PCDHA5: variants seen among roughly 807,000 people sequenced by gnomAD.
The protein encoded by PCDHA5 is protocadherin alpha-5.
PCDHA5 carries 43 observed loss-of-function variants against 61.6 expected under a neutral mutation model. The ratio of observed to expected loss-of-function variants is 0.70; its 90% CI spans 0.55 to 0.90. The LOEUF is 0.90. Among genes scored for constraint, PCDHA5 ranks in the 40% least tolerant of loss-of-function variants. The pLI, the probability that PCDHA5 is intolerant of heterozygous loss-of-function variation, is 0.00. For missense variants in PCDHA5, 1,298 were observed against 1,222.7 expected (o/e 1.06, Z -0.92); for synonymous variants, 627 against 543.9 (o/e 1.15, Z -2.13).
At chr5:140,869,770 A>G in intron 1 of PCDHA5, 1 of 1,613,216 alleles carries the variant, frequency 6.2e-7, no homozygotes, top group South Asian at 1.1e-5. Flanking sequence ...ACCAGAGCTT[A>G]CTGGCACCGT....
chr5:140,849,773 C>A (rs1554143291), intron 1 of PCDHA5: 12 of 1,598,418 alleles, frequency 7.5e-6, no homozygotes, highest in Non-Finnish European at 1.0e-5. Flanking sequence ...TGGTGGTTAC[C>A]GCGCGGGACG....
At chr5:140,947,907 C>T (rs2094191786) in intron 1 of PCDHA5, among the ~76,000 whole-genome samples, 1 of 151,546 alleles carries the variant, frequency 6.6e-6, no homozygotes, top group African/African-American at 2.4e-5. Context: ...TGAGAGCAGA[C>T]ATTCTTGCCT....
At chr5:140,875,103 A>ACTAATATCATG (rs2055275043) in intron 1 of PCDHA5, among the ~76,000 whole-genome samples, 2 of 152,340 alleles carry the variant, frequency 1.3e-5, no homozygotes, top group African/African-American at 4.8e-5. Context: ...ATGTTTTGTT[A>ACTAATATCATG]CTAATATCAT....
intron 1 of PCDHA5, among the ~76,000 whole-genome samples, chr5:140,905,354 A>T (rs926429746): frequency 3.3e-5 from 5 of 152,030 alleles, no homozygotes; most frequent in Non-Finnish European, 5.9e-5. Context: ...TAAGTATTTG[A>T]CTATATTTCT....
chr5:140,825,736 G>C (rs1270794593), intron 1 of PCDHA5: 2 of 152,316 alleles, frequency 1.3e-5, no homozygotes, highest in Non-Finnish European at 2.9e-5. Flanking sequence ...TTATTATATT[G>C]ATGAGGAGTA....
intron 1 of PCDHA5, chr5:140,882,402 T>A (rs782437506): frequency 3.7e-6 from 6 of 1,614,052 alleles, no homozygotes; most frequent in South Asian, 1.1e-5. Flanking sequence ...GGCACCTTCG[T>A]GGGCCGCATC....
intron 1 of PCDHA5, among the ~76,000 whole-genome samples, chr5:140,838,075 ATAGT>A (rs1236223360): frequency 0.032 from 4,047 of 127,880 alleles, 62 homozygotes; most frequent in African/African-American, 0.052. Context: ...TTATATATAT[ATAGT>A]GTGTGTGTGT....
At chr5:140,869,843 A>C in intron 1 of PCDHA5, 1 of 1,611,638 alleles carries the variant, frequency 6.2e-7, no homozygotes, top group East Asian at 2.2e-5. Context: ...AAATCAGAAT[A>C]TAAGGTGAGC....
At chr5:140,882,392 G>C (rs781850899) in intron 1 of PCDHA5, 4 of 1,614,178 alleles carry the variant, frequency 2.5e-6, no homozygotes, top group South Asian at 1.1e-5. Flanking sequence ...AGCAAAACAC[G>C]GCACCTTCGT....
chr5:140,866,929 A>C (rs1189639503), intron 1 of PCDHA5: 1 of 152,160 alleles, frequency 6.6e-6, no homozygotes, highest in African/African-American at 2.4e-5. Context: ...CAAAGGGCGC[A>C]TAATCTCTTC....
intron 1 of PCDHA5, chr5:140,883,536 T>C (rs1178559999): frequency 8.7e-6 from 14 of 1,614,202 alleles, no homozygotes; most frequent in Non-Finnish European, 1.2e-5. Flanking sequence ...GCCTATGAAC[T>C]GGTGGTGACC....
At chr5:140,971,689 T>C (rs149234216) in intron 1 of PCDHA5, among the ~76,000 whole-genome samples, 1 of 152,306 alleles carries the variant, frequency 6.6e-6, no homozygotes, top group East Asian at 1.9e-4. Context: ...GAATTTGTAC[T>C]CACTAACCAC....
Position 140,829,594 on chromosome 5 carries a change from G to C in PCDHA5, c.2352+5467G>C. The C allele has an allele frequency of 1.2e-6, 2 of 1,611,982 alleles. No individual in the cohort carries two copies. The highest frequency in any genetic ancestry group is 1.7e-6 in the Non-Finnish European group (2 of 1,179,774). On this transcript the variant is annotated intron_variant, in intron 1 of 3. Coordinates refer to ENST00000529859, the MANE Select transcript of PCDHA5 (RefSeq NM_018908.3). The stretch of plus-strand genomic sequence containing the variant: ...CGCTGGTGGAGCGGCGGGTGGGCGA[G>C]CGCGCGTTGTCGAGCTACATTTCGG...
intron 1 of PCDHA5, chr5:140,843,157 G>T: frequency 6.3e-7 from 1 of 1,596,132 alleles, no homozygotes; most frequent in Non-Finnish European, 8.6e-7. Context: ...ATGAGCTGCA[G>T]CCAGCTGCAA....
chr5:140,927,946 G>A (rs1341193072), intron 1 of PCDHA5: 1 of 1,614,096 alleles, frequency 6.2e-7, no homozygotes, highest in East Asian at 2.2e-5. Context: ...AGTACCTGAG[G>A]ACGCTGCCCC....
rs141975967 is a variant in PCDHA5, at chr5:140,824,104, C to G, written c.2329C>G (p.Gln777Glu). The G allele has an allele frequency of 8.2e-5, 132 of 1,614,008 alleles. No homozygotes were observed. Among genetic ancestry groups the G allele is most frequent in the African/African-American group, 2.1e-4 (16 of 74,940 alleles). ...CATGGCCTTCAGTCCAAGCCTTCCTCAGGGTCCCACCTCTACAGACAACGT... is the reference window on the plus strand; with the variant it reads ...CATGGCCTTCAGTCCAAGCCTTCCTGAGGGTCCCACCTCTACAGACAACGT... ...DLMAFSPSLP[Q>E]GPTSTDNPRQ... is the part of the protein sequence containing the mutation. Residue 777 changes from glutamine to glutamate, a missense_variant, in exon 1 of 4, where the codon CAG becomes GAG. By Grantham distance (29) the Gln-to-Glu change is conservative. Transcript: ENST00000529859.
At chr5:140,876,117 C>T in intron 1 of PCDHA5, 1 of 1,613,922 alleles carries the variant, frequency 6.2e-7, no homozygotes, top group Non-Finnish European at 8.5e-7. Flanking sequence ...TGATGGTAAT[C>T]GATGGCGGTA....
intron 1 of PCDHA5, chr5:140,967,928 A>T (rs1438894870): frequency 3.1e-6 from 5 of 1,614,082 alleles, no homozygotes; most frequent in Non-Finnish European, 3.4e-6. Flanking sequence ...GGCCGTTCTC[A>T]GTGTCAATGA....
chr5:140,972,540 T>G (rs1375467339), intron 1 of PCDHA5, among the ~76,000 whole-genome samples: 2 of 152,148 alleles, frequency 1.3e-5, no homozygotes, highest in Non-Finnish European at 2.9e-5. Flanking sequence ...AAATCACTTG[T>G]GCAGTGAGGA....
Sources: allele counts gnomAD v4.1 joint callset (sites outside exome capture counted in the v4.1 genomes callset), GRCh38; gene constraint gnomAD v4.1.1; transcripts MANE v1.5; gene names NCBI Gene and HGNC (gene_info 2026-07-23, HGNC 2026-07-21).